Variants in ARHGAP11B observed in about 807,000 individuals in gnomAD.
The protein encoded by ARHGAP11B is inactive Rho GTPase-activating protein 11B.
ARHGAP11B carries 14 observed loss-of-function variants against 27.6 expected under a neutral mutation model. The ratio of observed to expected loss-of-function variants is 0.51; its 90% CI spans 0.34 to 0.79. The LOEUF (loss-of-function observed/expected upper bound fraction) is 0.79, where lower values mean the gene tolerates loss of function less well. ARHGAP11B is among the 30% of genes least tolerant of loss of function. The pLI, the probability that ARHGAP11B is intolerant of heterozygous loss-of-function variation, is 0.02. For missense variants in ARHGAP11B, 245 were observed against 320.1 expected (o/e 0.77, Z 1.79); for synonymous variants, 82 against 114.1 (o/e 0.72, Z 1.80).
At chr15:30,626,762 T>G in exon 1 of ARHGAP11B, 2 of 1,562,484 alleles carry the variant, frequency 1.3e-6, no homozygotes, top group East Asian at 2.3e-5. Flanking sequence ...ATTGGAAGAC[T>G]TGGTGGCGAA....
chr15:30,626,435 G>A, exon 1 of ARHGAP11B: 1 of 215,058 alleles, frequency 4.6e-6, no homozygotes, highest in South Asian at 9.8e-5. Flanking sequence ...CAGACGGACA[G>A]TAAGGTTTGG....
intron 7 of ARHGAP11B, among the ~76,000 whole-genome samples, chr15:30,643,824 A>G (rs1440233621): frequency 2.0e-5 from 3 of 152,090 alleles, no homozygotes; most frequent in African/African-American, 7.2e-5. Context: ...GAAATATTAC[A>G]TATAGAAGTT....
chr15:30,640,695 C>T (rs2060310017), intron 7 of ARHGAP11B, among the ~76,000 whole-genome samples: 1 of 151,910 alleles, frequency 6.6e-6, no homozygotes, highest in East Asian at 1.9e-4. Context: ...AAGCCTGTCT[C>T]TTTTTTCTGT....
intron 7 of ARHGAP11B, among the ~76,000 whole-genome samples, chr15:30,640,192 A>G (rs1467497969): frequency 7.5e-6 from 1 of 134,182 alleles, no homozygotes; most frequent in Non-Finnish European, 1.6e-5. Flanking sequence ...CAGATGTTTG[A>G]TCATGTCTGA....
At chr15:30,638,623 T>C (rs2060296240) in intron 6 of ARHGAP11B, 123 bp from the exon 7 acceptor site, 2 of 518,746 alleles carry the variant, frequency 3.9e-6, no homozygotes, top group Non-Finnish European at 6.7e-6. Context: ...TCCTCTTAAA[T>C]AACTTAAAAT....
intron 2 of ARHGAP11B, among the ~76,000 whole-genome samples, 176 bp downstream of exon 2, chr15:30,630,949 G>T (rs1313807065): frequency 6.6e-6 from 1 of 152,020 alleles, no homozygotes; most frequent in Admixed American, 6.6e-5. Context: ...GAGCACACTT[G>T]TAGTCCCAGC....
intron 6 of ARHGAP11B, among the ~76,000 whole-genome samples, chr15:30,636,808 C>T (rs1181499594): frequency 6.6e-6 from 1 of 152,138 alleles, no homozygotes; most frequent in African/African-American, 2.4e-5. Context: ...AGCCGCGTCA[C>T]TCCAATCCCT....
At chr15:30,631,903 C>T (rs987084915) in intron 2 of ARHGAP11B, among the ~76,000 whole-genome samples, 2 of 149,966 alleles carry the variant, frequency 1.3e-5, no homozygotes, top group Non-Finnish European at 3.0e-5. Context: ...TCTCCTGCCT[C>T]AGCCTCCCGA....
chr15:30,630,605 T>A, intron 1 of ARHGAP11B, 98 bp from the exon 2 acceptor site: 1 of 1,574,304 alleles, frequency 6.4e-7, no homozygotes, highest in South Asian at 1.2e-5. Flanking sequence ...TATTTCTGAT[T>A]TTTTTTAATT....
At chr15:30,626,893 G>T in exon 1 of ARHGAP11B, 1 of 1,613,576 alleles carries the variant, frequency 6.2e-7, no homozygotes, top group Non-Finnish European at 8.5e-7. Flanking sequence ...TAAGGTGAAG[G>T]GTGTCCGTGG....
At chr15:30,633,529 T>A in exon 3 of ARHGAP11B, 1 of 1,613,466 alleles carries the variant, frequency 6.2e-7, no homozygotes, top group Non-Finnish European at 8.5e-7. Flanking sequence ...AAGAACATAT[T>A]CATACCGAAG....
At chr15:30,635,235 C>T (rs2060272169) in intron 5 of ARHGAP11B, 47 bp downstream of exon 5, 1 of 1,600,444 alleles carries the variant, frequency 6.2e-7, no homozygotes, top group Non-Finnish European at 8.5e-7. Context: ...GATTATGCAT[C>T]AGATATTGGT....
exon 1 of ARHGAP11B, chr15:30,626,715 G>A (rs1307113839): frequency 3.4e-6 from 5 of 1,484,258 alleles, no homozygotes; most frequent in Non-Finnish European, 4.5e-6. Flanking sequence ...GGGCCGGAAA[G>A]CAGCCGAGCG....
At position 30,633,500 on chromosome 15, in the gene ARHGAP11B, G is replaced by A. The variant is rs148964617; in HGVS notation, c.211G>A (p.Asp71Asn). Residue 71 changes from aspartate to asparagine, a missense_variant, in exon 3 of 11, where the codon GAT becomes AAT. Transcript: ENST00000428041. ...AAATCTCTCTTTCAGCTTTCTTGTC[G>A]ATGCTTGCACATCTTTAGAAGAACA... is the stretch of plus-strand genomic sequence containing the variant. 1.3e-4 allele frequency: 205 copies of A among 1,609,478 alleles called. 1 individual carries two copies. The African/African-American group carries it at 1.5e-3, about 12-fold the overall frequency.
chr15:30,627,477 A>T (rs926232382), intron 1 of ARHGAP11B, among the ~76,000 whole-genome samples: 1 of 152,098 alleles, frequency 6.6e-6, no homozygotes, highest in African/African-American at 2.4e-5. Flanking sequence ...ATGACAGAAC[A>T]TTAGAAATAG....
chr15:30,630,192 A>C (rs1638442608), intron 1 of ARHGAP11B, among the ~76,000 whole-genome samples: 1 of 152,146 alleles, frequency 6.6e-6, no homozygotes, highest in African/African-American at 2.4e-5. Context: ...TATTAGGTAT[A>C]AAAATAACCT....
chr15:30,647,026 C>T (rs528932236), intron 9 of ARHGAP11B, among the ~76,000 whole-genome samples: 1 of 152,048 alleles, frequency 6.6e-6, no homozygotes, highest in Admixed American at 6.6e-5. Flanking sequence ...TCATCAGTGA[C>T]TGGAATGAAC....
intron 2 of ARHGAP11B, among the ~76,000 whole-genome samples, chr15:30,631,475 A>G (rs2060244868): frequency 6.6e-6 from 1 of 152,202 alleles, no homozygotes; most frequent in East Asian, 1.9e-4. Flanking sequence ...AGTCTGGGCA[A>G]CAAAGCAAGA....
exon 5 of ARHGAP11B, chr15:30,635,133 A>T: frequency 6.2e-7 from 1 of 1,613,556 alleles, no homozygotes; most frequent in Non-Finnish European, 8.5e-7. Flanking sequence ...TTTGCACCAA[A>T]TCTTCTTCAG....
Sources: gnomAD v4.1 joint callset for allele counts (sites outside exome capture counted in the v4.1 genomes callset) on GRCh38, gnomAD v4.1.1 for gene constraint, MANE v1.5 for transcripts, NCBI Gene and HGNC (gene_info 2026-07-23, HGNC 2026-07-21) for gene names.